Variants in DMBT1 observed in about 807,000 individuals in gnomAD.
The protein encoded by DMBT1 is scavenger receptor cysteine-rich domain-containing protein DMBT1.
In DMBT1, 198 loss-of-function variants were observed where a neutral mutation model predicts 252.9. The observed-to-expected ratio is 0.78, with a 90% CI of 0.70 to 0.88. DMBT1 has a LOEUF of 0.88. Among genes scored for constraint, DMBT1 ranks in the 40% least tolerant of loss-of-function variants. The pLI, the probability that DMBT1 is intolerant of heterozygous loss-of-function variation, is 0.00. For synonymous variants in DMBT1, 990 were observed against 942.7 expected (o/e 1.05, Z -0.92); for missense variants, 2,432 against 2,404.7 (o/e 1.01, Z -0.24).
chr10:122,633,963 C>T (rs1033052106), intron 52 of DMBT1, among the ~76,000 whole-genome samples: 1 of 152,030 alleles, frequency 6.6e-6, no homozygotes, highest in African/African-American at 2.4e-5. Context: ...GGGAGACCCC[C>T]CATCTCTACA....
At chr10:122,624,678 G>T (rs74160007) in intron 44 of DMBT1, among the ~76,000 whole-genome samples, 4,003 of 148,584 alleles carry the variant, frequency 0.027, 180 homozygotes, top group African/African-American at 0.098. Context: ...CTGGGCCGTG[G>T]CTGGGCCGTG....
Position 122,576,651 on chromosome 10 carries a change from G to T in DMBT1, c.536G>T (p.Trp179Leu). 6.2e-7 allele frequency: 1 copy of T among 1,613,808 alleles called. No homozygotes were observed. Among genetic ancestry groups the T allele is most frequent in the South Asian group, 1.1e-5 (1 of 91,066 alleles). The stretch of plus-strand genomic sequence containing the variant: ...TGCTCAGGACACGAATCCTACCTGT[G>T]GAGCTGCCCCCACAATGGCTGGCTC... ...VRCSGHESYL[W>L]SCPHNGWLSH... Residue 179 changes from tryptophan (W) to leucine (L), a missense_variant, in exon 7 of 56, where the codon TGG becomes TTG. Coordinates refer to ENST00000338354, the MANE Select transcript of DMBT1 (RefSeq NM_001377530.1).
chr10:122,641,449 C>T (rs139135356), intron 55 of DMBT1, among the ~76,000 whole-genome samples: 231 of 152,268 alleles, frequency 1.5e-3, no homozygotes, highest in African/African-American at 4.9e-3. Context: ...ATTCGACACC[C>T]TCTTGATATG....
At position 122,637,297 on chromosome 10, in the gene DMBT1, C is replaced by T. The variant is rs764939485; in HGVS notation, c.6927C>T (p.Cys2309=). The change falls in exon 54 of 56, where the codon TGC becomes TGT. Residue 2309 remains cysteine, a synonymous_variant. Transcript: ENST00000338354. ...LVIFTIPYSG[C]GTFKQADNDT... is the part of the protein sequence containing the mutation. Reference sequence around the variant, plus strand: ...TATTCACAATTCCCTACTCAGGCTGCGGCACCTTCAAGCAGGTAAGCCTGG... The same window carrying T: ...TATTCACAATTCCCTACTCAGGCTGTGGCACCTTCAAGCAGGTAAGCCTGG... 8.1e-6 allele frequency: 13 copies of T among 1,609,370 alleles called. No individual in the cohort carries two copies. The highest frequency in any genetic ancestry group is 2.2e-5 in the South Asian group (2 of 90,312).
At chr10:122,567,872 T>C (rs1289830936) in intron 2 of DMBT1, among the ~76,000 whole-genome samples, 2 of 152,158 alleles carry the variant, frequency 1.3e-5, no homozygotes, top group African/African-American at 2.4e-5. Context: ...CTGAAGCATT[T>C]TGAGCAAGGA....
intron 6 of DMBT1, among the ~76,000 whole-genome samples, chr10:122,575,535 G>C (rs747571058): frequency 1.1e-4 from 16 of 152,078 alleles, no homozygotes; most frequent in Non-Finnish European, 2.4e-4. Flanking sequence ...GGGGGGTGTG[G>C]TGGGGTTTGT....
chr10:122,593,458 G>A, intron 20 of DMBT1, 111 bp from the exon 21 acceptor site: 15 of 1,242,040 alleles, frequency 1.2e-5, no homozygotes, highest in Non-Finnish European at 9.4e-6. Flanking sequence ...TGTGTGATAG[G>A]AACTAGGATG....
chr10:122,643,235 G>T lies in DMBT1; in HGVS notation c.7466G>T (p.Cys2489Phe). 6.2e-7 allele frequency: 1 copy of T among 1,613,948 alleles called. No homozygotes were observed. The highest frequency in any genetic ancestry group is 1.1e-5 in the South Asian group (1 of 91,068). Residue 2489 changes from cysteine to phenylalanine, a missense_variant, in exon 56 of 56, where the codon TGT becomes TTT. Physicochemically the swap from Cys to Phe is radical, Grantham distance 205. Around this residue, in one of 3 missense-constraint regions of DMBT1, gnomAD observed 1,162 missense variants for 1,169.0 expected, o/e 0.99. Transcript: ENST00000338354. The stretch of plus-strand genomic sequence containing the variant: ...CGCTTCCCCTCCGTGTACCTGCGTT[G>T]TAAAATGGTGGTGTGCAGAGCGTAT... ...LNRFPSVYLR[C>F]KMVVCRAYDP... is the part of the protein sequence containing the mutation.
chr10:122,626,003 C>T lies in DMBT1; in HGVS notation c.5668+38C>T, dbSNP rs774750077. ...TTTTCTACCTGAACCATAGGTCATACATTTCTTATCCCCAAGCTTGGCTAT... is the reference window on the plus strand; with the variant it reads ...TTTTCTACCTGAACCATAGGTCATATATTTCTTATCCCCAAGCTTGGCTAT... On this transcript the variant is annotated intron_variant, in intron 46 of 55. Coordinates refer to ENST00000338354, the MANE Select transcript of DMBT1 (RefSeq NM_001377530.1). 1.5e-5 allele frequency: 24 copies of T among 1,561,094 alleles called. No homozygotes were observed. The South Asian group carries it at 2.6e-4, about 17-fold the overall frequency.
chr10:122,564,332 G>C (rs1222654159), intron 1 of DMBT1, among the ~76,000 whole-genome samples: 1 of 152,184 alleles, frequency 6.6e-6, no homozygotes, highest in Non-Finnish European at 1.5e-5. Flanking sequence ...AGCCGGGCAT[G>C]GTGACACATG....
At chr10:122,561,363 T>TTG (rs1280536599) in intron 1 of DMBT1, among the ~76,000 whole-genome samples, 2 of 151,974 alleles carry the variant, frequency 1.3e-5, no homozygotes, top group Non-Finnish European at 2.9e-5. Context: ...AATTCCAAGT[T>TTG]TCTCTGTCAT....
chr10:122,591,511 A>G lies in DMBT1; in HGVS notation c.2170A>G (p.Thr724Ala), dbSNP rs957688286. The G allele has an allele frequency of 1.0e-5, 16 of 1,586,142 alleles. 3 individuals are homozygous for G. Among genetic ancestry groups the G allele is most frequent in the Non-Finnish European group, 1.1e-5 (13 of 1,164,042 alleles). The change falls in exon 19 of 56, where the codon ACA (threonine) becomes GCA (alanine). Residue 724 changes from threonine to alanine, a missense_variant. By Grantham distance (58) the Thr-to-Ala change is moderately conservative. This residue lies in a region of DMBT1 where 1,264 missense variants were observed against 1,082.2 expected (regional missense o/e 1.17). Transcript: ENST00000338354. The stretch of plus-strand genomic sequence containing the variant: ...GTCGACCATCACGTTACCTCCATCG[A>G]CAGTAGGTAAATAATCCTCTCACCC... ...TLSTITLPPS[T>A]VGSESSLTLR...
intron 1 of DMBT1, among the ~76,000 whole-genome samples, chr10:122,562,390 C>A (rs7096256): frequency 0.67 from 101,751 of 151,838 alleles, 34,449 homozygotes; most frequent in East Asian, 0.77. Flanking sequence ...CCCAGCCCTC[C>A]CACCCAGGTG....
chr10:122,630,198 A>G, intron 47 of DMBT1, 90 bp from the exon 48 acceptor site: 1 of 1,413,254 alleles, frequency 7.1e-7, no homozygotes, highest in Non-Finnish European at 9.9e-7. Context: ...ACCTGTATTC[A>G]ATGGCATCCC....
At chr10:122,627,603 T>C (rs1014792544) in intron 46 of DMBT1, among the ~76,000 whole-genome samples, 2 of 152,236 alleles carry the variant, frequency 1.3e-5, no homozygotes, top group African/African-American at 2.4e-5. Context: ...TAATGTTAAG[T>C]GACTATATAC....
At position 122,619,290 on chromosome 10, in the gene DMBT1, C is replaced by G. The variant is rs771912918; in HGVS notation, c.5216-18C>G. 8.7e-6 allele frequency: 14 copies of G among 1,613,930 alleles called. No individual in the cohort carries two copies. Among genetic ancestry groups the G allele is most frequent in the Non-Finnish European group, 1.2e-5 (14 of 1,179,838 alleles). On this transcript the variant is annotated intron_variant, in intron 41 of 55. Coordinates refer to ENST00000338354, the MANE Select transcript of DMBT1 (RefSeq NM_001377530.1). ...TGTATAGTGCATCTGATCTGACCTTCTCTTCTCTTTCTCACAGCTGCTCAG... is the reference window on the plus strand; with the variant it reads ...TGTATAGTGCATCTGATCTGACCTTGTCTTCTCTTTCTCACAGCTGCTCAG...
chr10:122,580,289 G>C (rs530983922), intron 10 of DMBT1, among the ~76,000 whole-genome samples: 1 of 152,206 alleles, frequency 6.6e-6, no homozygotes, highest in Admixed American at 6.5e-5. Flanking sequence ...AAGATGCTTG[G>C]CTAAAAGTGG....
rs765977713 is a variant in DMBT1 at position 122,618,379 on chromosome 10, A to G, written c.5215+39A>G. Reference sequence around the variant, plus strand: ...ACCTTGGGCTCCCTCTCTTAAGTTGAAGTTTGCTCAGGAAGAAAATCCTAA... The same window carrying G: ...ACCTTGGGCTCCCTCTCTTAAGTTGGAGTTTGCTCAGGAAGAAAATCCTAA... On this transcript the variant is annotated intron_variant, in intron 41 of 55. Transcript: ENST00000338354. 35 of 1,613,312 alleles carry G rather than the reference A, an allele frequency of 2.2e-5. No individual in the cohort carries two copies. The Middle Eastern group carries it at 4.9e-4, about 23-fold the overall frequency.
rs995165908 is a variant in DMBT1, at chr10:122,570,103, G to A, written c.92-59G>A. 7 of 1,462,458 alleles carry A rather than the reference G, an allele frequency of 4.8e-6. No homozygotes were observed. In the African/African-American group the frequency reaches 9.7e-5, roughly 20 times the overall value. 90.6% of individuals were successfully genotyped at this position (1,462,458 alleles called of 1,614,324 possible). Reference sequence around the variant, plus strand: ...TTGCTTGAGAGCTGAGGAAGCCAGGGACCAGCCCTCCCCAAGCAAGGGCTA... The same window carrying A: ...TTGCTTGAGAGCTGAGGAAGCCAGGAACCAGCCCTCCCCAAGCAAGGGCTA... On this transcript the variant is annotated intron_variant, in intron 2 of 55. Transcript: ENST00000338354.
Sources: gnomAD v4.1 joint callset for allele counts (sites outside exome capture counted in the v4.1 genomes callset) on GRCh38, gnomAD v4.1.1 for gene constraint, gnomAD v4.1.1 regional missense constraint, MANE v1.5 for transcripts, NCBI Gene and HGNC (gene_info 2026-07-23, HGNC 2026-07-21) for gene names.